The following SCN3A variants were observed in gnomAD, a reference collection of about 807,000 sequenced individuals.
SCN3A encodes the protein sodium channel protein type 3 subunit alpha.
A neutral mutation model predicts 187.6 loss-of-function variants in SCN3A; 60 were observed. That is an observed-to-expected ratio of 0.32 (90% CI 0.26 to 0.40). The LOEUF is 0.40. SCN3A is among the 10% of genes least tolerant of loss of function. SCN3A has a pLI of 1.00. For synonymous variants in SCN3A, 788 were observed against 829.2 expected (o/e 0.95, Z 0.85); for missense variants, 1,601 against 2,428.2 (o/e 0.66, Z 7.16).
chr2:165,185,777 G>T (rs1043863783), intron 2 of SCN3A, among the ~76,000 whole-genome samples: 1 of 151,916 alleles, frequency 6.6e-6, no homozygotes, highest in Non-Finnish European at 1.5e-5. Flanking sequence ...AATAGTCTTT[G>T]GTCAGTTCAA....
chr2:165,184,483 G>GAAAAAAAAAAAAAAAA (rs397986547), intron 2 of SCN3A, among the ~76,000 whole-genome samples: 2 of 59,572 alleles, frequency 3.4e-5, no homozygotes, highest in Admixed American at 1.7e-4. Context: ...GTCTAGTTCA[G>GAAAAAAAAAAAAAAAA]AAAAAAAAAA....
At chr2:165,100,281 T>C in intron 22 of SCN3A, 21 bp downstream of exon 22, 1 of 1,612,110 alleles carries the variant, frequency 6.2e-7, no homozygotes, top group Non-Finnish European at 8.5e-7. Flanking sequence ...CATGAATAAT[T>C]AGAGTGTCTA....
At chr2:165,103,489 G>A (rs1010705601) in intron 21 of SCN3A, among the ~76,000 whole-genome samples, 1 of 152,130 alleles carries the variant, frequency 6.6e-6, no homozygotes, top group African/African-American at 2.4e-5. Context: ...CAAAGTATGA[G>A]ATACCCATTT....
intron 24 of SCN3A, 88 bp from the exon 25 acceptor site, chr2:165,095,736 T>C: frequency 2.6e-6 from 2 of 766,716 alleles, no homozygotes; most frequent in African/African-American, 1.8e-5. Flanking sequence ...TGTTACTTAA[T>C]ACAGTGCTAC....
At chr2:165,113,515 G>T (rs1239376147) in intron 20 of SCN3A, among the ~76,000 whole-genome samples, 1 of 152,068 alleles carries the variant, frequency 6.6e-6, no homozygotes, top group East Asian at 1.9e-4. Flanking sequence ...CAATTATTAG[G>T]GAGAACTGGA....
At chr2:165,137,107 T>C (rs1186945276) in intron 15 of SCN3A, among the ~76,000 whole-genome samples, 2 of 152,148 alleles carry the variant, frequency 1.3e-5, no homozygotes, top group Non-Finnish European at 2.9e-5. Context: ...TTTGCTGACC[T>C]AAAGACAAAT....
At chr2:165,165,946 T>C (rs961919268) in intron 5 of SCN3A, among the ~76,000 whole-genome samples, 3 of 152,202 alleles carry the variant, frequency 2.0e-5, no homozygotes, top group African/African-American at 7.2e-5. Flanking sequence ...GGAAGAGATA[T>C]ATTTTACAAT....
chr2:165,103,614 T>C (rs1685712292), intron 21 of SCN3A, among the ~76,000 whole-genome samples: 1 of 152,142 alleles, frequency 6.6e-6, no homozygotes, highest in Non-Finnish European at 1.5e-5. Context: ...TCAGTTGTCA[T>C]CCACACCTTT....
chr2:165,150,418 A>T (rs1688625020), intron 11 of SCN3A, among the ~76,000 whole-genome samples: 1 of 152,216 alleles, frequency 6.6e-6, no homozygotes, highest in Non-Finnish European at 1.5e-5. Flanking sequence ...TCCTGGCTTC[A>T]ACATTGATAA....
chr2:165,180,665 A>G (rs1690789524), intron 2 of SCN3A, among the ~76,000 whole-genome samples: 1 of 152,162 alleles, frequency 6.6e-6, no homozygotes, highest in African/African-American at 2.4e-5. Context: ...ATGGGTGGAC[A>G]TCACCCTGCA....
intron 11 of SCN3A, among the ~76,000 whole-genome samples, chr2:165,153,986 C>CCTTTTTTTTTTT (rs1559237785): frequency 7.7e-5 from 3 of 39,164 alleles, no homozygotes; most frequent in African/African-American, 1.3e-4. Context: ...CTATAGCAAA[C>CCTTTTTTTTTTT]ATTTTTTTTT....
At chr2:165,133,048 C>T (rs1283665748) in intron 15 of SCN3A, among the ~76,000 whole-genome samples, 1 of 152,162 alleles carries the variant, frequency 6.6e-6, no homozygotes, top group Admixed American at 6.5e-5. Context: ...CCATCACTGG[C>T]CATCAGAGAA....
Position 165,157,231 on chromosome 2 carries a change from C to CT in SCN3A, c.1032-1329dup, listed in dbSNP as rs1421923910. Among the ~76,000 whole-genome samples, 9 of 152,194 alleles carry CT rather than the reference C, an allele frequency of 5.9e-5. No homozygotes were observed. The East Asian group carries it at 1.4e-3, about 23-fold the overall frequency. On this transcript the variant is annotated intron_variant, in intron 9 of 27. Coordinates refer to ENST00000283254, the MANE Select transcript of SCN3A (RefSeq NM_006922.4). ...AGCCCTCAGTTTTTTTCTTAATGTC[C>CT]TTTTTTTGTTCCAGGATCCCATTCA...
intron 14 of SCN3A, among the ~76,000 whole-genome samples, chr2:165,139,123 A>T (rs1036833992): frequency 6.6e-6 from 1 of 152,154 alleles, no homozygotes; most frequent in East Asian, 1.9e-4. Context: ...TGAAGAACAG[A>T]CTAAAGCCTG....
chr2:165,189,385 G>C (rs1691452343), intron 1 of SCN3A, among the ~76,000 whole-genome samples: 1 of 152,198 alleles, frequency 6.6e-6, no homozygotes, highest in Admixed American at 6.5e-5. Context: ...TTTGCTTTCA[G>C]ATGACCTAAT....
chr2:165,176,971 T>G (rs1262970726), intron 2 of SCN3A, among the ~76,000 whole-genome samples: 1 of 152,096 alleles, frequency 6.6e-6, no homozygotes, highest in Non-Finnish European at 1.5e-5. Context: ...CAAATGAGGA[T>G]AGAAAATGAA....
Position 165,140,653 on chromosome 2 carries a change from C to A in SCN3A, c.2017G>T (p.Glu673Ter), listed in dbSNP as rs1553527930. The A allele has an allele frequency of 6.2e-7, 1 of 1,613,106 alleles. No individual in the cohort carries two copies. Among genetic ancestry groups the A allele is most frequent in the South Asian group, 1.1e-5 (1 of 91,070 alleles). ...GCAGCTAGGTCATCTATTATCACCT[C>A]TGGGGGAAGTTGTCCAGTAGGTGAC... ...LTSPTGQLPP[E>*]GTTTETEVRK... is the part of the protein sequence containing the mutation. Residue 673 changes from glutamate (E) to a stop codon, truncating the protein, a stop_gained and splice_region_variant, in exon 13 of 28, where the codon GAG becomes TAG. Transcript: ENST00000283254. LOFTEE classifies it high-confidence loss of function. This position sits in a 1 kb window ranked among gnomAD's most constrained non-coding sequence, Gnocchi z 4.2.
chr2:165,136,073 A>G (rs1053099888), intron 15 of SCN3A, among the ~76,000 whole-genome samples: 1 of 152,168 alleles, frequency 6.6e-6, no homozygotes, highest in Non-Finnish European at 1.5e-5. Context: ...TGTGTTGAGA[A>G]AATAGACTCA....
rs766639044 is a variant in SCN3A at position 165,091,324 on chromosome 2, A to G, written c.4829T>C (p.Ile1610Thr). 3 of 1,614,002 alleles carry G rather than the reference A, an allele frequency of 1.9e-6. No individual in the cohort carries two copies. The highest frequency in any genetic ancestry group is 1.1e-5 in the South Asian group (1 of 91,084). Reference protein sequence around the residue: ...SIVGMFLAEMIEKYFVSPTLF... With the variant: ...SIVGMFLAEMTEKYFVSPTLF... ...GGTAGGGGACACAAAATACTTTTCT[A>G]TCATCTCAGCCAGAAACATACCTAT... The change falls in exon 28 of 28, where the codon ATA becomes ACA. Residue 1610 changes from isoleucine to threonine, a missense_variant. Physicochemically the swap from Ile to Thr is moderately conservative, Grantham distance 89. This residue lies in a region of SCN3A where 320 missense variants were observed against 623.2 expected (regional missense o/e 0.51). Coordinates refer to ENST00000283254, the MANE Select transcript of SCN3A (RefSeq NM_006922.4).
Sources: allele counts gnomAD v4.1 joint callset (sites outside exome capture counted in the v4.1 genomes callset), GRCh38; gene constraint gnomAD v4.1.1; regional missense constraint gnomAD v4.1.1; non-coding constraint Gnocchi (gnomAD v3.1); transcripts MANE v1.5; gene names NCBI Gene and HGNC (gene_info 2026-07-23, HGNC 2026-07-21).